The following KPNA5 variants were observed in gnomAD, a reference collection of about 807,000 sequenced individuals.
The protein encoded by KPNA5 is importin subunit alpha-6.
KPNA5 carries 46 observed loss-of-function variants against 71.3 expected under a neutral mutation model. That is an observed-to-expected ratio of 0.65 (90% CI 0.51 to 0.83). The LOEUF is 0.83. Ranked by LOEUF, KPNA5 falls within the 40% of genes least tolerant of loss-of-function variation. KPNA5 has a pLI of 0.00. For missense variants in KPNA5, 547 were observed against 628.3 expected, an observed-to-expected ratio of 0.87 and a Z score of 1.38; for synonymous variants, 207 against 201.4, an observed-to-expected ratio of 1.03 and a Z score of -0.24.
intron 9 of KPNA5, among the ~76,000 whole-genome samples, chr6:116,723,452 A>G (rs1779189290): frequency 6.6e-6 from 1 of 152,176 alleles, no homozygotes; most frequent in African/African-American, 2.4e-5. Context: ...AGATTGTTGG[A>G]GAAATGACTG....
intron 4 of KPNA5, 73 bp from the exon 5 acceptor site, chr6:116,698,631 G>T: frequency 1.2e-6 from 1 of 829,124 alleles, no homozygotes; most frequent in Non-Finnish European, 1.9e-6. Flanking sequence ...TATGTGCCCT[G>T]TTAATGGACA....
At chr6:116,689,642 G>T (rs1352443839) in intron 2 of KPNA5, among the ~76,000 whole-genome samples, 189 bp downstream of exon 2, 3 of 152,102 alleles carry the variant, frequency 2.0e-5, no homozygotes, top group Non-Finnish European at 4.4e-5. Flanking sequence ...GGGAGAAATG[G>T]ATTTTCTGTT....
chr6:116,724,369 A>G lies in KPNA5; in HGVS notation c.993A>G (p.Gln331=), dbSNP rs768032983. Residue 331 remains glutamine, a synonymous_variant, in exon 10 of 14, where the codon CAA becomes CAG. Transcript: ENST00000368564. ...VGNIVTGDDI[Q]TQVILNCSAL... is the part of the protein sequence containing the mutation. ...ATATTGTGACTGGTGATGATATTCA[A>G]ACACAGGTGAGTTCAAACTTGAGTA... 12 of 1,606,856 alleles carry G rather than the reference A, an allele frequency of 7.5e-6. No homozygotes were observed. The highest frequency in any genetic ancestry group is 9.4e-6 in the Non-Finnish European group (11 of 1,173,892).
At chr6:116,698,967 T>C (rs1778133525) in intron 5 of KPNA5, among the ~76,000 whole-genome samples, 169 bp downstream of exon 5, 1 of 152,052 alleles carries the variant, frequency 6.6e-6, no homozygotes, top group Admixed American at 6.5e-5. Context: ...TCAGTGCTAG[T>C]TTTTTTCTAG....
In KPNA5 at chr6:116,702,132, T is replaced by A; in HGVS notation, c.549T>A (p.His183Gln). Residue 183 changes from histidine to glutamine, a missense_variant, in exon 6 of 14, where the codon CAT becomes CAA. Transcript: ENST00000368564. ...PIFIKLLNSE[H>Q]EDVQEQAVWA... is the part of the protein sequence containing the mutation. ...TTATCAAACTTCTTAATTCTGAACA[T>A]GAAGATGTTCAGGAACAGGTACGTC... The A allele has an allele frequency of 6.2e-7, 1 of 1,613,940 alleles. No homozygotes were observed. Among genetic ancestry groups the A allele is most frequent in the East Asian group, 2.2e-5 (1 of 44,828 alleles).
chr6:116,722,423 C>A, intron 9 of KPNA5, 134 bp downstream of exon 9: 1 of 665,356 alleles, frequency 1.5e-6, no homozygotes, highest in Non-Finnish European at 2.3e-6. Flanking sequence ...CAACACTTAA[C>A]AGAATAGCCA....
chr6:116,720,899 C>T (rs575180388), intron 8 of KPNA5, among the ~76,000 whole-genome samples: 1 of 152,286 alleles, frequency 6.6e-6, no homozygotes, highest in African/African-American at 2.4e-5. Flanking sequence ...AGGGTGGAAG[C>T]TTGATTGCTG....
At chr6:116,714,395 G>C (rs1288019997) in intron 7 of KPNA5, among the ~76,000 whole-genome samples, 2 of 152,218 alleles carry the variant, frequency 1.3e-5, no homozygotes, top group Non-Finnish European at 2.9e-5. Context: ...GGTTTTTACA[G>C]ATTGGCCCTG....
chr6:116,688,120 C>T (rs969266029), intron 1 of KPNA5, among the ~76,000 whole-genome samples: 1 of 152,080 alleles, frequency 6.6e-6, no homozygotes, highest in African/African-American at 2.4e-5. Flanking sequence ...ATTTCTCTTT[C>T]CTGTTTTTCC....
rs2243368 is a variant in KPNA5 at position 116,724,328 on chromosome 6, T to C, written c.952T>C (p.Leu318=). ...HNDYKVVSPA[L]RAVGNIVTGD... Reference sequence around the variant, plus strand: ...TGATTATAAAGTTGTATCACCTGCATTAAGGGCAGTTGGTAATATTGTGAC... The same window carrying C: ...TGATTATAAAGTTGTATCACCTGCACTAAGGGCAGTTGGTAATATTGTGAC... The change falls in exon 10 of 14, where the codon TTA becomes CTA. Residue 318 remains leucine (L), a synonymous_variant. Coordinates refer to ENST00000368564, the MANE Select transcript of KPNA5 (RefSeq NM_001366306.2). The C allele has an allele frequency of 0.06, 95,764 of 1,608,098 alleles. 3,376 individuals are homozygous for C. The highest frequency in any genetic ancestry group is 0.071 in the Non-Finnish European group (83,852 of 1,174,886).
chr6:116,683,844 G>C (rs1777459033), intron 1 of KPNA5, among the ~76,000 whole-genome samples: 1 of 147,314 alleles, frequency 6.8e-6, no homozygotes, highest in African/African-American at 2.5e-5. Flanking sequence ...TGATCCACCT[G>C]CCTCGGCCTC....
At position 116,692,280 on chromosome 6, in the gene KPNA5, G is replaced by A. The variant is rs909873773; in HGVS notation, c.241-13G>A. 3.3e-6 allele frequency: 5 copies of A among 1,513,308 alleles called. No individual in the cohort carries two copies. Among genetic ancestry groups the A allele is most frequent in the Non-Finnish European group, 4.5e-6 (5 of 1,103,816 alleles). The allele number at this position is 1,513,308 out of a possible 1,614,324, so 93.7% of individuals were successfully genotyped here. ...ATGTAAATGTTAATTATATTTTTGT[G>A]TGTGTGTTTTAGGAAGAAGTTGTTA... On this transcript the variant is annotated splice_polypyrimidine_tract_variant and intron_variant, in intron 3 of 13. Transcript: ENST00000368564.
Position 116,739,654 on chromosome 6 carries a change from G to T in KPNA5, c.*7331G>T, listed in dbSNP as rs899058875. On this transcript the variant is annotated 3_prime_UTR_variant, in exon 14 of 14. Coordinates refer to ENST00000368564, the MANE Select transcript of KPNA5 (RefSeq NM_001366306.2). ...TGGTACCAGTACCAAAACAGATATA[G>T]ATCAATGGAACAGAACAGAGCCATC... is the stretch of plus-strand genomic sequence containing the variant. 2.1e-4 allele frequency: 32 copies of T among 152,034 alleles called. No individual in the cohort carries two copies. Among genetic ancestry groups the T allele is most frequent in the African/African-American group, 7.2e-4 (30 of 41,474 alleles). The allele number at this position is 152,034 out of a possible 1,614,324, so 9.4% of individuals were successfully genotyped here.
At position 116,705,080 on chromosome 6, in the gene KPNA5, G is replaced by C. The variant is rs1411213737; in HGVS notation, c.576G>C (p.Trp192Cys). ...EHEDVQEQAV[W>C]ALGNIAGDNA... ...TTTTTTTTTTTCCTAAGGCTGTTTG[G>C]GCACTTGGTAATATTGCTGGTGACA... is the stretch of plus-strand genomic sequence containing the variant. Residue 192 changes from tryptophan to cysteine, a missense_variant, in exon 7 of 14, where the codon TGG becomes TGC. Transcript: ENST00000368564. 1 of 1,609,368 alleles carries C rather than the reference G, an allele frequency of 6.2e-7. No individual in the cohort carries two copies. Among genetic ancestry groups the C allele is most frequent in the Admixed American group, 1.7e-5 (1 of 59,598 alleles).
intron 6 of KPNA5, among the ~76,000 whole-genome samples, chr6:116,702,375 T>C (rs1778263421): frequency 6.6e-6 from 1 of 152,198 alleles, no homozygotes. Context: ...GGAATTACTA[T>C]TCCTGTTTAT....
intron 11 of KPNA5, 129 bp downstream of exon 11, chr6:116,726,005 G>A: frequency 1.0e-6 from 1 of 967,756 alleles, no homozygotes; most frequent in Non-Finnish European, 1.5e-6. Flanking sequence ...AAGAACATGG[G>A]CTTTCCTCCT....
intron 1 of KPNA5, among the ~76,000 whole-genome samples, chr6:116,685,079 A>C (rs776740691): frequency 2.0e-5 from 3 of 152,262 alleles, no homozygotes; most frequent in Non-Finnish European, 4.4e-5. Flanking sequence ...ACACCTTTAC[A>C]TAAATGTCTG....
At chr6:116,693,170 A>G (rs941554526) in intron 4 of KPNA5, among the ~76,000 whole-genome samples, 3 of 152,122 alleles carry the variant, frequency 2.0e-5, no homozygotes, top group Admixed American at 6.5e-5. Flanking sequence ...AGTCTTTGCT[A>G]TTGTGAATAG....
chr6:116,729,158 C>CGTGTGTGTGTGTGTGT (rs150925835), intron 12 of KPNA5, among the ~76,000 whole-genome samples: 12 of 112,160 alleles, frequency 1.1e-4, no homozygotes, highest in African/African-American at 3.1e-4. Flanking sequence ...ATATGACCTC[C>CGTGTGTGTGTGTGTGT]GTGTGTGTGT....
Sources: gnomAD v4.1 joint callset for allele counts (sites outside exome capture counted in the v4.1 genomes callset) on GRCh38, gnomAD v4.1.1 for gene constraint, MANE v1.5 for transcripts, NCBI Gene and HGNC (gene_info 2026-07-23, HGNC 2026-07-21) for gene names.